Variants in SDK1 observed in about 807,000 individuals in gnomAD.
SDK1 encodes the protein protein sidekick-1.
Under a neutral mutation model 245.5 loss-of-function variants are expected in SDK1, and 157 were observed. The ratio of observed to expected loss-of-function variants is 0.64; its 90% CI spans 0.56 to 0.73. The LOEUF is 0.73. Ranked by LOEUF, SDK1 falls within the 30% of genes least tolerant of loss-of-function variation. The probability of loss-of-function intolerance (pLI) is 0.00; values close to 1 mark genes in which losing one functional copy is unlikely to be tolerated. For synonymous variants in SDK1, 1,647 were observed against 1,278.5 expected, an observed-to-expected ratio of 1.29 and a Z score of -6.15; for missense variants, 3,583 against 3,002.3, an observed-to-expected ratio of 1.19 and a Z score of -4.52.
chr7:3,968,916 G>GGAGGAAGGA (rs1442906670), intron 10 of SDK1, among the ~76,000 whole-genome samples: 1 of 152,192 alleles, frequency 6.6e-6, no homozygotes, highest in African/African-American at 2.4e-5. Flanking sequence ...GCATAGCTGG[G>GGAGGAAGGA]GAGGCCTCAG....
At chr7:3,356,501 A>G (rs1395185862) in intron 1 of SDK1, among the ~76,000 whole-genome samples, 3 of 152,138 alleles carry the variant, frequency 2.0e-5, no homozygotes, top group African/African-American at 7.2e-5. Context: ...GGATGATCTA[A>G]GACCTCCTCC....
At chr7:4,083,924 G>A (rs1254570764) in intron 22 of SDK1, among the ~76,000 whole-genome samples, 2 of 151,770 alleles carry the variant, frequency 1.3e-5, no homozygotes, top group East Asian at 2.0e-4. Context: ...CCCCACTCAG[G>A]GATGCTAAGT....
chr7:4,188,321 T>C (rs1783004828), intron 35 of SDK1, among the ~76,000 whole-genome samples: 2 of 152,154 alleles, frequency 1.3e-5, no homozygotes, highest in African/African-American at 4.8e-5. Flanking sequence ...ATATGGGCAT[T>C]TACAAGAAAT....
At chr7:3,968,536 G>A (rs968690) in intron 10 of SDK1, among the ~76,000 whole-genome samples, 2,828 of 152,254 alleles carry the variant, frequency 0.019, 92 homozygotes, top group African/African-American at 0.064. Flanking sequence ...ACAGGGCTGG[G>A]CTTTTATTCT....
At chr7:3,715,451 C>T (rs1785172774) in intron 4 of SDK1, among the ~76,000 whole-genome samples, 1 of 152,182 alleles carries the variant, frequency 6.6e-6, no homozygotes, top group Non-Finnish European at 1.5e-5. Flanking sequence ...AAGATATCCT[C>T]TCAGCCTACC....
intron 2 of SDK1, among the ~76,000 whole-genome samples, chr7:3,629,432 C>G (rs1167847746): frequency 1.3e-5 from 2 of 152,126 alleles, no homozygotes; most frequent in African/African-American, 4.8e-5. Flanking sequence ...GAAAACTACC[C>G]CAGGCAAGGG....
chr7:3,349,227 A>G (rs1392236920), intron 1 of SDK1, among the ~76,000 whole-genome samples: 3 of 152,010 alleles, frequency 2.0e-5, no homozygotes, highest in Non-Finnish European at 4.4e-5. Flanking sequence ...AAACAAACAC[A>G]CAACAGCCTA....
intron 5 of SDK1, among the ~76,000 whole-genome samples, chr7:3,862,953 G>T (rs1780731260): frequency 7.3e-6 from 1 of 137,418 alleles, no homozygotes; most frequent in African/African-American, 3.6e-5. Context: ...CAGTGCCACC[G>T]CTGGCTGATC....
chr7:4,096,545 G>C (rs879509172), intron 22 of SDK1, among the ~76,000 whole-genome samples: 3 of 152,138 alleles, frequency 2.0e-5, no homozygotes, highest in African/African-American at 7.2e-5. Context: ...TCAGAGACCA[G>C]AAGTTCATTT....
At chr7:3,959,656 A>C (rs1438348569) in intron 8 of SDK1, among the ~76,000 whole-genome samples, 1 of 152,204 alleles carries the variant, frequency 6.6e-6, no homozygotes, top group Non-Finnish European at 1.5e-5. Context: ...CTTATTAGTG[A>C]GAACAGGCAG....
chr7:3,641,363 A>AT (rs1447003218), intron 3 of SDK1, among the ~76,000 whole-genome samples: 2 of 152,106 alleles, frequency 1.3e-5, no homozygotes, highest in South Asian at 4.2e-4. Flanking sequence ...CATTTTTTAA[A>AT]TTTTTTTTAT....
chr7:3,586,634 G>C (rs1035924539), intron 1 of SDK1, among the ~76,000 whole-genome samples: 1 of 151,460 alleles, frequency 6.6e-6, no homozygotes, highest in Non-Finnish European at 1.5e-5. Context: ...GAACCCGGGA[G>C]GTGGAGGTTG....
In SDK1 at chr7:4,268,825, TC is replaced by T. The variant is rs1788632281; in HGVS notation, c.*3444del. 3 of 1,106,682 alleles carry T rather than the reference TC, an allele frequency of 2.7e-6. No homozygotes were observed. The South Asian group carries it at 3.6e-5, about 13-fold the overall frequency. The allele number at this position is 1,106,682 out of a possible 1,614,324, so 68.6% of individuals were successfully genotyped here. A position where few individuals can be genotyped will look rare whatever the true frequency, so the allele number is the denominator to read the frequency against. On this transcript the variant is annotated 3_prime_UTR_variant, in exon 45 of 45. Coordinates refer to ENST00000404826, the MANE Select transcript of SDK1 (RefSeq NM_152744.4). Reference sequence around the variant, plus strand: ...GCCTGCCCGCTGGGACACGTCTCCTTCCCGCGTCACCTTCTGGTTTAGGGAG... The same window carrying T: ...GCCTGCCCGCTGGGACACGTCTCCTTCCGCGTCACCTTCTGGTTTAGGGAG...
Position 4,265,790 on chromosome 7 carries a change from G to A in SDK1, c.*406G>A, listed in dbSNP as rs1788431591. 28 of 1,009,192 alleles carry A rather than the reference G, an allele frequency of 2.8e-5. No homozygotes were observed. Among genetic ancestry groups the A allele is most frequent in the South Asian group, 4.6e-5 (1 of 21,938 alleles). The allele number at this position is 1,009,192 out of a possible 1,614,324, so 62.5% of individuals were successfully genotyped here. On this transcript the variant is annotated 3_prime_UTR_variant, in exon 45 of 45. Coordinates refer to ENST00000404826, the MANE Select transcript of SDK1 (RefSeq NM_152744.4). The stretch of plus-strand genomic sequence containing the variant: ...CTCAGAGCTGCCCCGGCCGGCCCCC[G>A]TCTCTTTCTACCTCCTCTTCCAGAG...
At chr7:3,727,366 A>G (rs755182503) in intron 4 of SDK1, among the ~76,000 whole-genome samples, 4 of 152,194 alleles carry the variant, frequency 2.6e-5, no homozygotes, top group Non-Finnish European at 5.9e-5. Context: ...TTCTGGAGAG[A>G]AAGTCTGATG....
At chr7:4,199,697 G>C (rs999731333) in intron 35 of SDK1, among the ~76,000 whole-genome samples, 3 of 152,146 alleles carry the variant, frequency 2.0e-5, no homozygotes, top group African/African-American at 7.2e-5. Flanking sequence ...TGGAAGGAGA[G>C]TGTCCCCTGT....
At chr7:3,454,575 A>G (rs1389823493) in intron 1 of SDK1, among the ~76,000 whole-genome samples, 2 of 152,110 alleles carry the variant, frequency 1.3e-5, no homozygotes, top group African/African-American at 4.8e-5. Flanking sequence ...GCAATAACAC[A>G]TTTGTTTTCC....
intron 4 of SDK1, among the ~76,000 whole-genome samples, chr7:3,725,026 T>C (rs1583345632): frequency 6.6e-6 from 1 of 152,362 alleles, no homozygotes; most frequent in East Asian, 1.9e-4. Context: ...AGCTTAGACT[T>C]TCTTATTTAG....
chr7:4,039,823 G>A (rs987059245), intron 17 of SDK1, among the ~76,000 whole-genome samples: 1 of 152,086 alleles, frequency 6.6e-6, no homozygotes, highest in Non-Finnish European at 1.5e-5. Flanking sequence ...AGCCAGAAAC[G>A]AAGGGAAGGG....
Sources: allele counts gnomAD v4.1 joint callset (sites outside exome capture counted in the v4.1 genomes callset), GRCh38; gene constraint gnomAD v4.1.1; transcripts MANE v1.5; gene names NCBI Gene and HGNC (gene_info 2026-07-23, HGNC 2026-07-21).